The following HDGF variants were observed in gnomAD, a reference collection of about 807,000 sequenced individuals.
HDGF encodes the protein hepatoma-derived growth factor.
A neutral mutation model predicts 30.0 loss-of-function variants in HDGF; 5 were observed. The ratio of observed to expected loss-of-function variants is 0.17; its 90% CI spans 0.09 to 0.35. The LOEUF (loss-of-function observed/expected upper bound fraction) is 0.35, where lower values mean the gene tolerates loss of function less well. Ranked by LOEUF, HDGF falls within the 10% of genes least tolerant of loss-of-function variation. The pLI is 1.00. For synonymous variants in HDGF, 133 were observed against 112.7 expected, an observed-to-expected ratio of 1.18 and a Z score of -1.14; for missense variants, 214 against 302.8, an observed-to-expected ratio of 0.71 and a Z score of 2.18.
Position 156,742,792 on chromosome 1 carries a change from TTGA to T in HDGF, c.*654_*656del, listed in dbSNP as rs1650220230. On this transcript the variant is annotated 3_prime_UTR_variant, in exon 6 of 6. Transcript: ENST00000357325. ...AACAACTTGGAAGCCCCAAATTCTCTTGATGATTAACTACAACTCCCAAAACTC... is the reference window on the plus strand; with the variant it reads ...AACAACTTGGAAGCCCCAAATTCTCTTGATTAACTACAACTCCCAAAACTC... 1 of 154,792 alleles carries T rather than the reference TTGA, an allele frequency of 6.5e-6. No individual in the cohort carries two copies. Among genetic ancestry groups the T allele is most frequent in the South Asian group, 2.0e-4 (1 of 4,918 alleles). The allele number at this position is 154,792 out of a possible 1,614,324, so 9.6% of individuals were successfully genotyped here.
chr1:156,756,678 C>T (rs1170210235), upstream of HDGF, among the ~76,000 whole-genome samples: 1 of 151,940 alleles, frequency 6.6e-6, no homozygotes, highest in Non-Finnish European at 1.5e-5. Flanking sequence ...CATCTGTTAG[C>T]TATTAGCTGT....
At position 156,751,554 on chromosome 1, in the gene HDGF, C is replaced by T; in HGVS notation, c.-125G>A. 11 of 996,214 alleles carry T rather than the reference C, an allele frequency of 1.1e-5. No homozygotes were observed. Among genetic ancestry groups the T allele is most frequent in the Non-Finnish European group, 1.3e-5 (11 of 836,638 alleles). The allele number at this position is 996,214 out of a possible 1,614,324, so 61.7% of individuals were successfully genotyped here. A position where few individuals can be genotyped will look rare whatever the true frequency, so the allele number is the denominator to read the frequency against. ...CGCGGCCCCCGCCTCGATGGTGGCC[C>T]CCGGCCCGAGCTCCGGCGCGGCCAC... is the stretch of plus-strand genomic sequence containing the variant. On this transcript the variant is annotated 5_prime_UTR_variant, in exon 1 of 6. Coordinates refer to ENST00000357325, the MANE Select transcript of HDGF (RefSeq NM_004494.3). This position sits in a 1 kb window ranked among gnomAD's most constrained non-coding sequence, Gnocchi z 4.7.
rs1054759229 is a variant in HDGF at position 156,751,612 on chromosome 1, C to T, written c.-183G>A. The T allele has an allele frequency of 1.2e-4, 114 of 984,468 alleles. No individual in the cohort carries two copies. Among genetic ancestry groups the T allele is most frequent in the Non-Finnish European group, 1.3e-4 (112 of 830,250 alleles). 61.0% of individuals were successfully genotyped at this position (984,468 alleles called of 1,614,324 possible). ...CCGCCCGCGCGCCGCACGGACGGGG[C>T]GGGCGCGGATCGGGGCAAGGCTCCG... is the stretch of plus-strand genomic sequence containing the variant. On this transcript the variant is annotated 5_prime_UTR_variant, in exon 1 of 6. Transcript: ENST00000357325. This position sits in a 1 kb window ranked among gnomAD's most constrained non-coding sequence, Gnocchi z 4.7.
At position 156,743,325 on chromosome 1, in the gene HDGF, G is replaced by A; in HGVS notation, c.*124C>T. On this transcript the variant is annotated 3_prime_UTR_variant, in exon 6 of 6. Transcript: ENST00000357325. ...GCTGGGCTTGGAGTGGGAAAAGTGAGTAGAAGAGGAGAGCAGGTTGGGGTG... is the reference window on the plus strand; with the variant it reads ...GCTGGGCTTGGAGTGGGAAAAGTGAATAGAAGAGGAGAGCAGGTTGGGGTG... 1 of 1,055,136 alleles carries A rather than the reference G, an allele frequency of 9.5e-7. No individual in the cohort carries two copies. The highest frequency in any genetic ancestry group is 1.4e-6 in the Non-Finnish European group (1 of 725,094). The allele number at this position is 1,055,136 out of a possible 1,614,324, so 65.4% of individuals were successfully genotyped here. A position where few individuals can be genotyped will look rare whatever the true frequency, so the allele number is the denominator to read the frequency against.
upstream of HDGF, chr1:156,752,281 T>C: frequency 6.4e-7 from 1 of 1,551,762 alleles, no homozygotes; most frequent in Non-Finnish European, 8.7e-7. Flanking sequence ...ACGTCCGCCT[T>C]TGCTAAGGAG....
intron 3 of HDGF, 67 bp downstream of exon 3, chr1:156,744,941 C>CG: frequency 7.0e-6 from 11 of 1,566,494 alleles, no homozygotes; most frequent in Non-Finnish European, 8.8e-6. Flanking sequence ...ATCTGTGGGC[C>CG]GGGGGCTGCC....
At chr1:156,754,437 C>G (rs920854008), upstream of HDGF, among the ~76,000 whole-genome samples, 3 of 152,174 alleles carry the variant, frequency 2.0e-5, no homozygotes, top group Admixed American at 6.5e-5. Flanking sequence ...TTGCAGTAAT[C>G]TCCTAGGCGT....
intron 1 of HDGF, among the ~76,000 whole-genome samples, chr1:156,746,486 G>GA (rs1650555148): frequency 6.6e-6 from 1 of 152,244 alleles, no homozygotes; most frequent in Non-Finnish European, 1.5e-5. Flanking sequence ...ACTGAGCCCA[G>GA]AAAACAAGTG....
At chr1:156,761,467 G>A (rs1270380757) in intron 1 of HDGF, among the ~76,000 whole-genome samples, 4 of 151,530 alleles carry the variant, frequency 2.6e-5, no homozygotes, top group Admixed American at 1.3e-4. Context: ...AAACTAGCCC[G>A]GCGTGGTGGT....
At position 156,743,299 on chromosome 1, in the gene HDGF, G is replaced by GTC; in HGVS notation, c.*149_*150insGA. 1.2e-6 allele frequency: 1 copy of GTC among 823,476 alleles called. No homozygotes were observed. The highest frequency in any genetic ancestry group is 1.8e-5 in the South Asian group (1 of 55,716). 51.0% of individuals were successfully genotyped at this position (823,476 alleles called of 1,614,324 possible). A position where few individuals can be genotyped will look rare whatever the true frequency, so the allele number is the denominator to read the frequency against. Reference sequence around the variant, plus strand: ...TGCCCCATCCAGGTCAATCTCCATGGGCTGGGCTTGGAGTGGGAAAAGTGA... The same window carrying GTC: ...TGCCCCATCCAGGTCAATCTCCATGGTCGCTGGGCTTGGAGTGGGAAAAGTGA... On this transcript the variant is annotated 3_prime_UTR_variant, in exon 6 of 6. Coordinates refer to ENST00000357325, the MANE Select transcript of HDGF (RefSeq NM_004494.3).
chr1:156,757,747 C>T (rs1301166359), intron 2 of HDGF, among the ~76,000 whole-genome samples: 1 of 146,610 alleles, frequency 6.8e-6, no homozygotes, highest in Non-Finnish European at 1.5e-5. Flanking sequence ...GAGCCAAGAT[C>T]ATGACACTGC....
chr1:156,754,115 C>T (rs1379531751), upstream of HDGF, among the ~76,000 whole-genome samples: 1 of 152,138 alleles, frequency 6.6e-6, no homozygotes, highest in Non-Finnish European at 1.5e-5. Flanking sequence ...GGGGTTTCAC[C>T]ATGTTAGTCA....
Position 156,751,382 on chromosome 1 carries a change from C to T in HDGF, c.48G>A (p.Val16=). Residue 16 remains valine (V), a synonymous_variant, in exon 1 of 6, where the codon GTG becomes GTA. Transcript: ENST00000357325. This position sits in a 1 kb window ranked among gnomAD's most constrained non-coding sequence, Gnocchi z 4.7. The part of the protein sequence containing the change: ...RQKEYKCGDL[V]FAKMKGYPHW... Reference sequence around the variant, plus strand: ...GTGGGTAGCCCTTCATCTTGGCGAACACCAGGTCCCCGCATTTGTACTCCT... The same window carrying T: ...GTGGGTAGCCCTTCATCTTGGCGAATACCAGGTCCCCGCATTTGTACTCCT... 1 of 1,610,146 alleles carries T rather than the reference C, an allele frequency of 6.2e-7. No individual in the cohort carries two copies. Among genetic ancestry groups the T allele is most frequent in the Non-Finnish European group, 8.5e-7 (1 of 1,178,136 alleles).
chr1:156,764,468 A>G (rs1651315699), intron 1 of HDGF, among the ~76,000 whole-genome samples: 1 of 152,276 alleles, frequency 6.6e-6, no homozygotes, highest in East Asian at 1.9e-4. Flanking sequence ...AAGTGCTGGG[A>G]TTACAGGCGT....
chr1:156,742,867 T>A lies in HDGF; in HGVS notation c.*582A>T, dbSNP rs1466667792. 6.5e-6 allele frequency: 1 copy of A among 154,810 alleles called. No homozygotes were observed. Among genetic ancestry groups the A allele is most frequent in the Non-Finnish European group, 1.5e-5 (1 of 68,262 alleles). 9.6% of individuals were successfully genotyped at this position (154,810 alleles called of 1,614,324 possible). A position where few individuals can be genotyped will look rare whatever the true frequency, so the allele number is the denominator to read the frequency against. On this transcript the variant is annotated 3_prime_UTR_variant, in exon 6 of 6. Transcript: ENST00000357325. ...ATGGGTGTTGTCAATCATCAAGGAT[T>A]TATGGAAAGGAGCCCCTCCCCTACA...
chr1:156,745,063 C>T lies in HDGF; in HGVS notation c.248G>A (p.Ser83Asn). 3 of 1,614,072 alleles carry T rather than the reference C, an allele frequency of 1.9e-6. No homozygotes were observed. Among genetic ancestry groups the T allele is most frequent in the Non-Finnish European group, 2.5e-6 (3 of 1,180,014 alleles). The change falls in exon 3 of 6, where the codon AGC becomes AAC. Residue 83 changes from serine to asparagine, a missense_variant. Transcript: ENST00000357325. ...FGKPNKRKGFSEGLWEIENNP... is the reference protein window; with the variant it reads ...FGKPNKRKGFNEGLWEIENNP... The stretch of plus-strand genomic sequence containing the variant: ...GTTCTCGATCTCCCACAGCCCCTCG[C>T]TGAACCCTTTCCTCTTGTTGGGCTT...
At chr1:156,753,938 C>T (rs954374643), upstream of HDGF, among the ~76,000 whole-genome samples, 2 of 151,562 alleles carry the variant, frequency 1.3e-5, no homozygotes, top group South Asian at 2.1e-4. Flanking sequence ...TTTTTGGAGA[C>T]GGAGTCTCGC....
intron 1 of HDGF, chr1:156,750,640 A>C (rs970540981): frequency 1.3e-5 from 2 of 152,238 alleles, no homozygotes; most frequent in Admixed American, 1.3e-4. Context: ...GGAATCTGCC[A>C]CCTCAATCCT....
In HDGF at chr1:156,744,522, G is replaced by T. The variant is rs547941879; in HGVS notation, c.304-174C>A. ...CCACCTCTGTCGGATTAGCCCCGGG[G>T]TAAACCCACTGGCCGGGCAGGCAGG... is the stretch of plus-strand genomic sequence containing the variant. On this transcript the variant is annotated intron_variant, in intron 3 of 5. Coordinates refer to ENST00000357325, the MANE Select transcript of HDGF (RefSeq NM_004494.3). The T allele has an allele frequency of 8.1e-5, 127 of 1,570,062 alleles. No homozygotes were observed. In the African/African-American group the frequency reaches 1.3e-3, roughly 16 times the overall value.
Sources: allele counts gnomAD v4.1 joint callset (sites outside exome capture counted in the v4.1 genomes callset), GRCh38; gene constraint gnomAD v4.1.1; non-coding constraint Gnocchi (gnomAD v3.1); transcripts MANE v1.5; gene names NCBI Gene and HGNC (gene_info 2026-07-23, HGNC 2026-07-21).